The following CCDC149 variants were observed in gnomAD, a reference collection of about 807,000 sequenced individuals.
CCDC149 encodes the protein coiled-coil domain-containing protein 149.
In CCDC149, 45 loss-of-function variants were observed where a neutral mutation model predicts 59.9. The observed-to-expected ratio is 0.75, with a 90% CI of 0.59 to 0.96. The LOEUF is 0.96. CCDC149 is among the 40% of genes least tolerant of loss of function. CCDC149 has a pLI of 0.00. For missense variants in CCDC149, 584 were observed against 664.7 expected, an observed-to-expected ratio of 0.88 and a Z score of 1.33; for synonymous variants, 245 against 260.6, an observed-to-expected ratio of 0.94 and a Z score of 0.58.
intron 1 of CCDC149, among the ~76,000 whole-genome samples, chr4:24,969,537 T>A (rs1246397044): frequency 1.3e-5 from 2 of 152,182 alleles, no homozygotes; most frequent in Non-Finnish European, 2.9e-5. Flanking sequence ...AACTCTTGAA[T>A]AATGGGTTAC....
chr4:24,886,929 T>C (rs564381888), intron 1 of CCDC149, among the ~76,000 whole-genome samples: 15 of 152,246 alleles, frequency 9.9e-5, no homozygotes, highest in Middle Eastern at 3.4e-3. Context: ...GTGTGAATAC[T>C]AGATATCATA....
At chr4:24,887,383 C>A (rs1416415373) in intron 1 of CCDC149, among the ~76,000 whole-genome samples, 1 of 152,064 alleles carries the variant, frequency 6.6e-6, no homozygotes, top group Non-Finnish European at 1.5e-5. Context: ...TTAGCCACCG[C>A]AAGGGCATGC....
At chr4:24,917,815 C>T (rs1722173800), upstream of CCDC149, among the ~76,000 whole-genome samples, 1 of 152,102 alleles carries the variant, frequency 6.6e-6, no homozygotes. Flanking sequence ...TTCATTTCTT[C>T]TGCGTGGGGG....
intron 1 of CCDC149, among the ~76,000 whole-genome samples, chr4:24,891,488 C>T (rs1207996157): frequency 6.6e-6 from 1 of 152,232 alleles, no homozygotes; most frequent in Non-Finnish European, 1.5e-5. Flanking sequence ...CATGATTTGA[C>T]TTGCTCTCCT....
chr4:24,836,318 C>T (rs1716516094), intron 7 of CCDC149, 118 bp downstream of exon 7: 1 of 720,900 alleles, frequency 1.4e-6, no homozygotes, highest in African/African-American at 1.8e-5. Flanking sequence ...TTATTAGACT[C>T]TATCTGGGAG....
At chr4:24,868,163 G>A (rs532352025) in intron 3 of CCDC149, among the ~76,000 whole-genome samples, 6 of 152,254 alleles carry the variant, frequency 3.9e-5, no homozygotes, top group South Asian at 4.2e-4. Flanking sequence ...TGCTGGTGAC[G>A]CAGTTTAGAA....
intron 12 of CCDC149, 45 bp downstream of exon 12, chr4:24,819,814 G>A: frequency 2.2e-6 from 3 of 1,376,484 alleles, no homozygotes; most frequent in Non-Finnish European, 2.0e-6. Flanking sequence ...CTCCTCTGTG[G>A]CAGGCACAGT....
intron 1 of CCDC149, among the ~76,000 whole-genome samples, chr4:24,940,397 A>G (rs1203659137): frequency 6.6e-6 from 1 of 152,216 alleles, no homozygotes; most frequent in Non-Finnish European, 1.5e-5. Flanking sequence ...TGAAGGAAGC[A>G]CTAAACATGG....
chr4:24,914,293 T>C (rs1722052106), upstream of CCDC149, among the ~76,000 whole-genome samples: 1 of 150,850 alleles, frequency 6.6e-6, no homozygotes, highest in African/African-American at 2.4e-5. Flanking sequence ...TCATTCCCCT[T>C]CTTTGTCCCT....
intron 3 of CCDC149, among the ~76,000 whole-genome samples, chr4:24,867,855 A>G (rs1264365691): frequency 6.6e-6 from 1 of 152,218 alleles, no homozygotes; most frequent in East Asian, 1.9e-4. Context: ...GATCACAGAA[A>G]TTCAACCTTC....
At chr4:24,847,704 G>A (rs1014750003) in intron 4 of CCDC149, among the ~76,000 whole-genome samples, 1 of 152,212 alleles carries the variant, frequency 6.6e-6, no homozygotes, top group Non-Finnish European at 1.5e-5. Context: ...ACTTGCCAAA[G>A]GCCACAGACA....
At chr4:24,856,707 G>A (rs570369535) in intron 3 of CCDC149, among the ~76,000 whole-genome samples, 12 of 152,326 alleles carry the variant, frequency 7.9e-5, no homozygotes, top group Admixed American at 3.3e-4. Flanking sequence ...CTTGATTTTC[G>A]TTTCCTGGTT....
chr4:24,858,713 G>A (rs1044581032), intron 3 of CCDC149, among the ~76,000 whole-genome samples: 2 of 152,270 alleles, frequency 1.3e-5, no homozygotes, highest in African/African-American at 2.4e-5. Context: ...AGCCAGCCCT[G>A]GGTGTGGGAA....
chr4:24,916,787 G>GGTGGGTGTGTGTGTGT (rs1553861265), upstream of CCDC149, among the ~76,000 whole-genome samples: 6 of 141,922 alleles, frequency 4.2e-5, no homozygotes, highest in African/African-American at 1.6e-4. Flanking sequence ...GGTTTATAAT[G>GGTGGGTGTGTGTGTGT]GTGTGTGTGT....
chr4:24,803,914 T>C (rs185820620), downstream of CCDC149, among the ~76,000 whole-genome samples: 32 of 152,328 alleles, frequency 2.1e-4, no homozygotes, highest in Non-Finnish European at 4.0e-4. The surrounding 1 kb of genome is among the most constrained non-coding windows in gnomAD (Gnocchi z 4.3). Context: ...GAAGCAACCA[T>C]AATATTGAGA....
intron 8 of CCDC149, among the ~76,000 whole-genome samples, chr4:24,834,664 G>T (rs894271414): frequency 6.6e-5 from 10 of 152,130 alleles, no homozygotes; most frequent in African/African-American, 2.4e-4. Context: ...TCCCAAAGTG[G>T]GGTCCCTAAT....
chr4:24,835,029 CA>C lies in CCDC149; in HGVS notation c.738del (p.Asn246LysfsTer20). On this transcript the variant is annotated frameshift_variant and splice_region_variant, in exon 8 of 13. Transcript: ENST00000635206. LOFTEE classifies it high-confidence loss of function. ...TTCGAGTTTTTCCGTCTCTCCAGAG[CA>C]TTCTAAAACAGGATTGGGAGAGAAT... 1 of 1,612,388 alleles carries C rather than the reference CA, an allele frequency of 6.2e-7. No individual in the cohort carries two copies. Among genetic ancestry groups the C allele is most frequent in the Non-Finnish European group, 8.5e-7 (1 of 1,178,528 alleles).
At position 24,827,510 on chromosome 4, in the gene CCDC149, C is replaced by T. The variant is rs1041838558; in HGVS notation, c.965+3996G>A. 1.2e-4 allele frequency: 19 copies of T among 152,234 alleles called. 1 individual carries two copies. The highest frequency in any genetic ancestry group is 4.6e-4 in the African/African-American group (19 of 41,440). The allele number at this position is 152,234 out of a possible 1,614,324, so 9.4% of individuals were successfully genotyped here. A position where few individuals can be genotyped will look rare whatever the true frequency, so the allele number is the denominator to read the frequency against. ...CCTCCCCGCCATGGTAAGGCATGGG[C>T]CTGGGGGGAAGGTCTGGAGAACGAA... On this transcript the variant is annotated intron_variant, in intron 9 of 12. Transcript: ENST00000635206.
At chr4:24,897,734 G>A (rs1251895271) in intron 1 of CCDC149, among the ~76,000 whole-genome samples, 5 of 152,162 alleles carry the variant, frequency 3.3e-5, no homozygotes, top group Non-Finnish European at 7.3e-5. Flanking sequence ...GAACAATTTG[G>A]GCACGAGTTT....
Sources: allele counts gnomAD v4.1 joint callset (sites outside exome capture counted in the v4.1 genomes callset), GRCh38; gene constraint gnomAD v4.1.1; non-coding constraint Gnocchi (gnomAD v3.1); transcripts MANE v1.5; gene names NCBI Gene and HGNC (gene_info 2026-07-23, HGNC 2026-07-21).